CCDC171: variants seen among roughly 807,000 people sequenced by gnomAD.
The protein encoded by CCDC171 is coiled-coil domain-containing protein 171.
A neutral mutation model predicts 168.2 loss-of-function variants in CCDC171; 177 were observed. That is an observed-to-expected ratio of 1.05 (90% CI 0.93 to 1.19). The LOEUF (loss-of-function observed/expected upper bound fraction) is 1.19, where lower values mean the gene tolerates loss of function less well. Ranked by LOEUF, CCDC171 falls within the 50% of genes most tolerant of loss-of-function variation. The pLI, the probability that CCDC171 is intolerant of heterozygous loss-of-function variation, is 0.00. For missense variants in CCDC171, 1,991 were observed against 1,539.0 expected (o/e 1.29, Z -4.91); for synonymous variants, 687 against 540.8 (o/e 1.27, Z -3.75).
At chr9:16,072,531 A>G in the CCDC171 span, among the ~76,000 whole-genome samples, 3 of 152,288 alleles carry the variant, frequency 2.0e-5, no homozygotes, top group African/African-American at 4.8e-5. Context: ...GAGTCACTCC[A>G]TAGCTCAAAA....
chr9:15,681,301 G>A (rs968553888), intron 10 of CCDC171, among the ~76,000 whole-genome samples: 1 of 152,118 alleles, frequency 6.6e-6, no homozygotes, highest in African/African-American at 2.4e-5. Context: ...CGAATGGGAT[G>A]TTCGAAAAAC....
intron 7 of CCDC171, among the ~76,000 whole-genome samples, chr9:15,633,879 A>G (rs938681157): frequency 1.3e-5 from 2 of 152,254 alleles, no homozygotes; most frequent in African/African-American, 4.8e-5. Flanking sequence ...TTGTAGGGAC[A>G]TGGATGAAAT....
At chr9:15,892,013 A>G (rs1325888695) in intron 24 of CCDC171, among the ~76,000 whole-genome samples, 1 of 152,160 alleles carries the variant, frequency 6.6e-6, no homozygotes, top group Admixed American at 6.6e-5. Context: ...CTTACTAACA[A>G]GAGGCATTTG....
In CCDC171 at chr9:15,807,839, C is replaced by T. The variant is rs141340305; in HGVS notation, c.3267+23145C>T. 8.3e-4 allele frequency among the ~76,000 whole-genome samples: 126 copies of T among 150,992 alleles called. 3 individuals are homozygous for T. The highest frequency in any genetic ancestry group is 2.8e-3 in the African/African-American group (115 of 41,110). On this transcript the variant is annotated intron_variant, in intron 21 of 25. Transcript: ENST00000380701. ...TGTCTTCTCACCGGAGCAAGATTGC[C>T]GTTTCTGCTTGGAATCTTCCTTCTT...
At chr9:15,967,467 A>G (rs752055531) in intron 25 of CCDC171, among the ~76,000 whole-genome samples, 1 of 152,224 alleles carries the variant, frequency 6.6e-6, no homozygotes, top group Non-Finnish European at 1.5e-5. Flanking sequence ...TGCAATATGT[A>G]TTCTTTCCCC....
chr9:15,909,497 A>G (rs1370829003), intron 24 of CCDC171, among the ~76,000 whole-genome samples: 4 of 152,040 alleles, frequency 2.6e-5, no homozygotes, highest in South Asian at 2.1e-4. Context: ...TTCTTACACA[A>G]CTTTTTACTG....
At chr9:16,061,818 C>G (rs1427108246), downstream of CCDC171, among the ~76,000 whole-genome samples, 1 of 152,124 alleles carries the variant, frequency 6.6e-6, no homozygotes, top group Non-Finnish European at 1.5e-5. Flanking sequence ...CATGGTAAAG[C>G]TGAGCTGCAA....
the CCDC171 span, among the ~76,000 whole-genome samples, chr9:16,102,373 G>A: frequency 2.0e-5 from 3 of 151,768 alleles, no homozygotes; most frequent in Non-Finnish European, 2.9e-5. Flanking sequence ...CTTGTCACTT[G>A]TCTCAGACGG....
At position 15,709,160 on chromosome 9, in the gene CCDC171, G is replaced by A. The variant is rs2052469614; in HGVS notation, c.1319-12609G>A. Reference sequence around the variant, plus strand: ...AAAAGAAATGACCTTTTTCAAATGGGATTAATAAGGAAAGAATAGGCTGAA... The same window carrying A: ...AAAAGAAATGACCTTTTTCAAATGGAATTAATAAGGAAAGAATAGGCTGAA... On this transcript the variant is annotated intron_variant, in intron 11 of 25. Coordinates refer to ENST00000380701, the MANE Select transcript of CCDC171 (RefSeq NM_173550.4). 2.0e-5 allele frequency among the ~76,000 whole-genome samples: 3 copies of A among 151,992 alleles called. No individual in the cohort carries two copies. The South Asian group carries it at 6.2e-4, about 32-fold the overall frequency.
rs1564007420 is a variant in CCDC171 at position 15,594,184 on chromosome 9, A to C, written c.675+12A>C. 2.3e-6 allele frequency: 3 copies of C among 1,284,306 alleles called. No individual in the cohort carries two copies. The allele number at this position is 1,284,306 out of a possible 1,614,324, so 79.6% of individuals were successfully genotyped here. ...AATTTATAGTACAGGTATTTTAAAA[A>C]TAATCAGTTCCTTAAATATATATTT... On this transcript the variant is annotated intron_variant, in intron 6 of 25. Transcript: ENST00000380701.
chr9:16,089,039 G>C, the CCDC171 span, among the ~76,000 whole-genome samples: 12 of 151,910 alleles, frequency 7.9e-5, no homozygotes, highest in African/African-American at 2.4e-4. Context: ...CAGAACAGAG[G>C]CCTCAGAAAT....
chr9:15,612,608 G>T (rs1322169705), intron 6 of CCDC171, among the ~76,000 whole-genome samples: 1 of 152,148 alleles, frequency 6.6e-6, no homozygotes, highest in Admixed American at 6.5e-5. Context: ...GTGTGAAACT[G>T]TTGTGTTGAG....
intron 16 of CCDC171, among the ~76,000 whole-genome samples, chr9:15,731,511 A>T (rs1197200983): frequency 6.6e-6 from 1 of 152,108 alleles, no homozygotes. Context: ...GCATAATGTC[A>T]TTTACGTTGT....
chr9:15,811,929 G>T (rs1588649782), intron 21 of CCDC171, among the ~76,000 whole-genome samples: 1 of 152,316 alleles, frequency 6.6e-6, no homozygotes, highest in East Asian at 1.9e-4. Flanking sequence ...GAAAGCTGGA[G>T]ATTTATGTTA....
intron 16 of CCDC171, among the ~76,000 whole-genome samples, chr9:15,742,807 T>A (rs945123972): frequency 6.6e-6 from 1 of 152,170 alleles, no homozygotes; most frequent in South Asian, 2.1e-4. Flanking sequence ...AATACTTTTT[T>A]TTTTCTTTTT....
In CCDC171 at chr9:15,958,516, G is replaced by GTATTATATTATATTATATTATATTA. The variant is rs59603926; in HGVS notation, c.3754-13070_3754-13046dup. On this transcript the variant is annotated intron_variant, in intron 25 of 25. Coordinates refer to ENST00000380701, the MANE Select transcript of CCDC171 (RefSeq NM_173550.4). Reference sequence around the variant, plus strand: ...GGTGTTATAATAACACGGAGGTGAGGTATTATATTATATTATATTATATTA... The same window carrying GTATTATATTATATTATATTATATTA: ...GGTGTTATAATAACACGGAGGTGAGGTATTATATTATATTATATTATATTATATTATATTATATTATATTATATTA... 4.1e-3 allele frequency among the ~76,000 whole-genome samples: 555 copies of GTATTATATTATATTATATTATATTA among 136,648 alleles called. 7 individuals carry two copies. The highest frequency in any genetic ancestry group is 0.011 in the African/African-American group (404 of 36,048). The allele number at this position is 136,648 out of a possible 152,430, so 89.6% of individuals were successfully genotyped here.
chr9:15,766,860 C>T (rs2056751355), intron 18 of CCDC171, among the ~76,000 whole-genome samples: 1 of 152,048 alleles, frequency 6.6e-6, no homozygotes, highest in Non-Finnish European at 1.5e-5. Flanking sequence ...GGGAGTCTTA[C>T]TATGTTGTCC....
At chr9:15,825,256 T>G (rs2059964342) in intron 21 of CCDC171, among the ~76,000 whole-genome samples, 1 of 152,076 alleles carries the variant, frequency 6.6e-6, no homozygotes, top group African/African-American at 2.4e-5. Context: ...TAACTAAAAA[T>G]ATAGACAAGG....
rs1308799343 is a variant in CCDC171, at chr9:15,818,496, C to A, written c.3268-28206C>A. Reference sequence around the variant, plus strand: ...CTAGAATAACCAATGCAGAGAAGTCCTTAAAGGACCTGATGAAGCTGAAAA... The same window carrying A: ...CTAGAATAACCAATGCAGAGAAGTCATTAAAGGACCTGATGAAGCTGAAAA... On this transcript the variant is annotated intron_variant, in intron 21 of 25. Transcript: ENST00000380701. Among the ~76,000 whole-genome samples, 2 of 117,320 alleles carry A rather than the reference C, an allele frequency of 1.7e-5. 1 individual carries two copies. Among genetic ancestry groups the A allele is most frequent in the Admixed American group, 1.6e-4 (2 of 12,416 alleles). 77.0% of individuals were successfully genotyped at this position (117,320 alleles called of 152,430 possible).
Sources: gnomAD v4.1 joint callset for allele counts (sites outside exome capture counted in the v4.1 genomes callset) on GRCh38, gnomAD v4.1.1 for gene constraint, MANE v1.5 for transcripts, NCBI Gene and HGNC (gene_info 2026-07-23, HGNC 2026-07-21) for gene names.